TMEM18: variants seen among roughly 807,000 people sequenced by gnomAD.
TMEM18 encodes the protein transmembrane protein 18.
A neutral mutation model predicts 17.4 loss-of-function variants in TMEM18; 14 were observed. That is an observed-to-expected ratio of 0.80 (90% CI 0.53 to 1.25). TMEM18 has a LOEUF of 1.25. Ranked by LOEUF, TMEM18 falls within the 50% of genes most tolerant of loss-of-function variation. The pLI is 0.00. For synonymous variants in TMEM18, 86 were observed against 66.1 expected, an observed-to-expected ratio of 1.30 and a Z score of -1.46; for missense variants, 187 against 172.1, an observed-to-expected ratio of 1.09 and a Z score of -0.48.
chr2:670,303 G>A (rs1206160001), intron 3 of TMEM18: 2 of 167,480 alleles, frequency 1.2e-5, no homozygotes, highest in Admixed American at 6.0e-5. Context: ...AGTGGTGCCG[G>A]GCCCTTCCAT....
chr2:676,036 C>A, intron 1 of TMEM18: 1 of 1,314,560 alleles, frequency 7.6e-7, no homozygotes. Context: ...GACGATTGCT[C>A]AAAGAGATGC....
chr2:672,865 G>A lies in TMEM18; in HGVS notation c.179-3C>T. ...TTCAGCACAGTAGACTAAGATGACT[G>A]AAAAAAGGTACAAGTCATATTAGAA... On this transcript the variant is annotated splice_region_variant and splice_polypyrimidine_tract_variant and intron_variant, in intron 2 of 4. Transcript: ENST00000281017. 6.6e-7 allele frequency: 1 copy of A among 1,508,772 alleles called. No homozygotes were observed. Among genetic ancestry groups the A allele is most frequent in the Middle Eastern group, 1.7e-4 (1 of 5,772 alleles). The allele number at this position is 1,508,772 out of a possible 1,614,324, so 93.5% of individuals were successfully genotyped here. A position where few individuals can be genotyped will look rare whatever the true frequency, so the allele number is the denominator to read the frequency against.
chr2:671,408 C>CCCAGTGAGCCGCTTA (rs1264642735), intron 3 of TMEM18, among the ~76,000 whole-genome samples: 11 of 143,836 alleles, frequency 7.6e-5, no homozygotes, highest in African/African-American at 2.6e-4. Flanking sequence ...AGGCAGGGTC[C>CCCAGTGAGCCGCTTA]TCCTGGGACT....
At chr2:669,977 G>A (rs576121235) in intron 3 of TMEM18, 127 bp from the exon 4 acceptor site, 1 of 691,258 alleles carries the variant, frequency 1.4e-6, no homozygotes, top group Non-Finnish European at 2.5e-6. Context: ...ACCCTCACTG[G>A]GCCCACCCTT....
At chr2:677,207 C>T in intron 1 of TMEM18, 82 bp downstream of exon 1, 1 of 1,527,218 alleles carries the variant, frequency 6.5e-7, no homozygotes, top group Admixed American at 1.9e-5. Flanking sequence ...TTCTTGGCCA[C>T]AGGCCGGGTG....
At chr2:675,854 CAACTATA>C (rs1203421210) in intron 1 of TMEM18, 1 of 1,510,808 alleles carries the variant, frequency 6.6e-7, no homozygotes, top group African/African-American at 1.4e-5. Flanking sequence ...CCCCTCAGTG[CAACTATA>C]ATTCATGGAA....
At chr2:676,824 G>A in intron 1 of TMEM18, 1 of 637,312 alleles carries the variant, frequency 1.6e-6, no homozygotes, top group East Asian at 2.8e-5. Context: ...CCGCCCGCAA[G>A]ACGCTGGACT....
chr2:675,921 C>G, intron 1 of TMEM18: 1 of 1,421,966 alleles, frequency 7.0e-7, no homozygotes, highest in Non-Finnish European at 9.3e-7. Context: ...GTGCTCCTTT[C>G]GTTTGTGGAA....
At chr2:672,899 G>T in intron 2 of TMEM18, 37 bp from the exon 3 acceptor site, 2 of 1,486,842 alleles carry the variant, frequency 1.3e-6, no homozygotes, top group Non-Finnish European at 1.8e-6. Flanking sequence ...AATTTAGATG[G>T]CCCGTTATTA....
chr2:669,621 CTT>C lies in TMEM18; in HGVS notation c.380_381del (p.Gln127ArgfsTer114). The C allele has an allele frequency of 1.2e-6, 2 of 1,614,216 alleles. No individual in the cohort carries two copies. Among genetic ancestry groups the C allele is most frequent in the East Asian group, 4.5e-5 (2 of 44,888 alleles). Reference protein sequence around the residue: ...LNVMTDLKNAQERRKEKKRRR... With the variant: ...LNVMTDLKNAXERRKEKKRRR... ...CTCCTTTTCTTTTCCTTTCTTCTCT[CTT>C]GTGCATTCTTCAGGTCAGTCATCAC... On this transcript the variant is annotated frameshift_variant, in exon 5 of 5. Coordinates refer to ENST00000281017, the MANE Select transcript of TMEM18 (RefSeq NM_152834.4). LOFTEE classifies it low-confidence loss of function (END_TRUNC).
chr2:673,676 TG>T (rs1678917382), intron 2 of TMEM18, among the ~76,000 whole-genome samples: 1 of 147,002 alleles, frequency 6.8e-6, no homozygotes, highest in African/African-American at 2.5e-5. Context: ...CCTTCAGGAA[TG>T]GACTCAATAA....
At chr2:673,567 T>C (rs1016062695) in intron 2 of TMEM18, among the ~76,000 whole-genome samples, 7 of 152,178 alleles carry the variant, frequency 4.6e-5, no homozygotes, top group Non-Finnish European at 1.0e-4. Context: ...TGCTTCAACT[T>C]CCAAGGTAAA....
chr2:675,600 C>G lies in TMEM18; in HGVS notation c.88G>C (p.Gly30Arg). The change falls in exon 2 of 5, where the codon GGG becomes CGG. Residue 30 changes from glycine (G) to arginine (R), a missense_variant. Coordinates refer to ENST00000281017, the MANE Select transcript of TMEM18 (RefSeq NM_152834.4). ...CAGAGCGCGTGGAAGGTGGCCAGCC[C>G]CATGAGCCAGGGCTCAGTCCAGTCC... is the stretch of plus-strand genomic sequence containing the variant. ...QTDWTEPWLM[G>R]LATFHALCVL... is the part of the protein sequence containing the mutation. 1 of 1,614,178 alleles carries G rather than the reference C, an allele frequency of 6.2e-7. No homozygotes were observed. Among genetic ancestry groups the G allele is most frequent in the Admixed American group, 1.7e-5 (1 of 60,032 alleles).
In TMEM18 at chr2:676,459, C is replaced by T. The variant is rs1473199352; in HGVS notation, c.58-829G>A. On this transcript the variant is annotated intron_variant, in intron 1 of 4. Coordinates refer to ENST00000281017, the MANE Select transcript of TMEM18 (RefSeq NM_152834.4). The stretch of plus-strand genomic sequence containing the variant: ...CCCTGCCCTCCAAGCTGCAGCCCGG[C>T]ACAGCCCTCCAGAACTCCTGTGTCA... The T allele has an allele frequency of 4.8e-5, 65 of 1,350,298 alleles. 8 individuals carry two copies. Among genetic ancestry groups the T allele is most frequent in the Non-Finnish European group, 6.1e-5 (62 of 1,016,910 alleles). 83.6% of individuals were successfully genotyped at this position (1,350,298 alleles called of 1,614,324 possible).
chr2:671,293 C>T (rs1431892611), intron 3 of TMEM18, among the ~76,000 whole-genome samples: 1 of 152,110 alleles, frequency 6.6e-6, no homozygotes, highest in Non-Finnish European at 1.5e-5. Context: ...GGGAGGGCTT[C>T]GGGGAGGATG....
chr2:668,286 T>A lies in TMEM18; in HGVS notation c.*1294A>T, dbSNP rs755806809. On this transcript the variant is annotated 3_prime_UTR_variant, in exon 5 of 5. Coordinates refer to ENST00000281017, the MANE Select transcript of TMEM18 (RefSeq NM_152834.4). ...GGACACAAAGCCAAACCATATCAGA[T>A]GGTGAAAATGTTATACTAAAAATGC... 1 of 152,192 alleles carries A rather than the reference T, an allele frequency of 6.6e-6. No homozygotes were observed. The highest frequency in any genetic ancestry group is 1.5e-5 in the Non-Finnish European group (1 of 68,036). 9.4% of individuals were successfully genotyped at this position (152,192 alleles called of 1,614,324 possible).
At chr2:676,197 C>T in intron 1 of TMEM18, 1 of 1,362,986 alleles carries the variant, frequency 7.3e-7, no homozygotes, top group South Asian at 1.2e-5. Context: ...CAGACAGTGC[C>T]GCACTCCGCC....
At chr2:675,965 G>A (rs1458941015) in intron 1 of TMEM18, 2 of 1,336,294 alleles carry the variant, frequency 1.5e-6, no homozygotes, top group African/African-American at 2.9e-5. Context: ...TATAATTAAA[G>A]GAATTACCAT....
chr2:670,116 G>A, intron 3 of TMEM18: 1 of 414,218 alleles, frequency 2.4e-6, no homozygotes, highest in East Asian at 4.7e-5. Flanking sequence ...GCCTCCCCCA[G>A]CAGAGAGACG....
Sources: allele counts gnomAD v4.1 joint callset (sites outside exome capture counted in the v4.1 genomes callset), GRCh38; gene constraint gnomAD v4.1.1; transcripts MANE v1.5; gene names NCBI Gene and HGNC (gene_info 2026-07-23, HGNC 2026-07-21).